The following ADARB1 variants were observed in gnomAD, a reference collection of about 807,000 sequenced individuals.
ADARB1 encodes the protein double-stranded RNA-specific editase 1.
ADARB1 carries 10 observed loss-of-function variants against 52.4 expected under a neutral mutation model. The ratio of observed to expected loss-of-function variants is 0.19; its 90% CI spans 0.12 to 0.32. The LOEUF (loss-of-function observed/expected upper bound fraction) is 0.32, where lower values mean the gene tolerates loss of function less well. Ranked by LOEUF, ADARB1 falls within the 10% of genes least tolerant of loss-of-function variation. ADARB1 has a pLI of 1.00. For synonymous variants in ADARB1, 349 were observed against 371.1 expected (o/e 0.94, Z 0.68); for missense variants, 643 against 922.3 (o/e 0.70, Z 3.92).
chr21:45,197,834 G>C (rs2092460877), intron 8 of ADARB1, among the ~76,000 whole-genome samples: 1 of 152,204 alleles, frequency 6.6e-6, no homozygotes, highest in Admixed American at 6.5e-5. Flanking sequence ...TTACCATACA[G>C]TCCCATTTGT....
chr21:45,217,350 T>TTGACTTTTGAGCTG (rs1474014020), intron 9 of ADARB1, among the ~76,000 whole-genome samples: 1 of 152,124 alleles, frequency 6.6e-6, no homozygotes, highest in East Asian at 1.9e-4. Flanking sequence ...TGACTCCTTC[T>TTGACTTTTGAGCTG]TGACTTTTGA....
chr21:45,080,219 G>A (rs953491086), intron 1 of ADARB1, among the ~76,000 whole-genome samples: 1 of 152,168 alleles, frequency 6.6e-6, no homozygotes, highest in Non-Finnish European at 1.5e-5. Context: ...AAGAGTCATG[G>A]GATGGTGGCT....
In ADARB1 at chr21:45,200,594, G is replaced by T. The variant is rs976966508; in HGVS notation, c.1566-3961G>T. ...GGGGATGGCTTTATTGTAGGGAAAG[G>T]GGGAGGCTTTGGGTATGTTCTGATG... is the stretch of plus-strand genomic sequence containing the variant. On this transcript the variant is annotated intron_variant, in intron 8 of 10. Transcript: ENST00000348831. This position sits in a 1 kb window ranked among gnomAD's most constrained non-coding sequence, Gnocchi z 5.0. Among the ~76,000 whole-genome samples the T allele has an allele frequency of 2.0e-4, 31 of 151,864 alleles. No individual in the cohort carries two copies. Among genetic ancestry groups the T allele is most frequent in the Non-Finnish European group, 3.7e-4 (25 of 67,928 alleles).
intron 1 of ADARB1, among the ~76,000 whole-genome samples, chr21:45,114,062 T>C (rs1390775021): frequency 3.3e-5 from 5 of 152,236 alleles, no homozygotes; most frequent in East Asian, 1.9e-4. Context: ...TTATGCTTAG[T>C]AGACATACTC....
At position 45,165,503 on chromosome 21, in the gene ADARB1, G is replaced by A. The variant is rs562908588; in HGVS notation, c.-47-6107G>A. 2.6e-5 allele frequency among the ~76,000 whole-genome samples: 4 copies of A among 152,190 alleles called. No individual in the cohort carries two copies. The East Asian group carries it at 5.8e-4, about 22-fold the overall frequency. On this transcript the variant is annotated intron_variant, in intron 2 of 10. Coordinates refer to ENST00000348831, the MANE Select transcript of ADARB1 (RefSeq NM_001112.4). ...GATTCACTTAGCAGCTTGCAGGGAC[G>A]GTTTCCTAGAAGGTAAAATATTTCA...
intron 8 of ADARB1, among the ~76,000 whole-genome samples, chr21:45,192,306 A>G (rs528628432): frequency 5.3e-5 from 8 of 152,248 alleles, no homozygotes; most frequent in East Asian, 1.9e-4. Flanking sequence ...GACATTTGAA[A>G]ATTATGATGT....
At chr21:45,146,079 CGGCCAGA>C in intron 2 of ADARB1, 1 of 135,084 alleles carries the variant, frequency 7.4e-6, no homozygotes, top group South Asian at 2.7e-4. Context: ...GGATTACCTA[CGGCCAGA>C]TGGCTGTTGT....
chr21:45,171,061 T>C (rs1271250537), intron 2 of ADARB1, among the ~76,000 whole-genome samples: 2 of 152,228 alleles, frequency 1.3e-5, no homozygotes, highest in African/African-American at 2.4e-5. Flanking sequence ...TGTGTGGCTT[T>C]AGTTTACAGC....
chr21:45,113,497 A>ATGTGTGTGTG (rs35666010), intron 1 of ADARB1, among the ~76,000 whole-genome samples: 1 of 146,294 alleles, frequency 6.8e-6, no homozygotes, highest in South Asian at 2.2e-4. Context: ...GTGTGTATAT[A>ATGTGTGTGTG]TGTGTGTGTG....
At chr21:45,179,146 G>A (rs1280901225) in intron 4 of ADARB1, among the ~76,000 whole-genome samples, 1 of 152,152 alleles carries the variant, frequency 6.6e-6, no homozygotes, top group African/African-American at 2.4e-5. Context: ...CACGTCCTGT[G>A]TTTCTGTCAC....
At chr21:45,196,758 A>G (rs1351364128) in intron 8 of ADARB1, among the ~76,000 whole-genome samples, 1 of 152,248 alleles carries the variant, frequency 6.6e-6, no homozygotes, top group Non-Finnish European at 1.5e-5. Flanking sequence ...CACTGATGAA[A>G]TGCAAAGGAG....
Position 45,182,596 on chromosome 21 carries a change from A to G in ADARB1, c.1090A>G (p.Lys364Glu). 6.3e-7 allele frequency: 1 copy of G among 1,590,636 alleles called. No individual in the cohort carries two copies. The highest frequency in any genetic ancestry group is 8.5e-7 in the Non-Finnish European group (1 of 1,173,674). The change falls in exon 6 of 11, where the codon AAA (lysine) becomes GAA (glutamate). Residue 364 changes from lysine to glutamate, a missense_variant. Around this residue, in one of 2 missense-constraint regions of ADARB1, gnomAD observed 263 missense variants for 475.8 expected, o/e 0.55. Coordinates refer to ENST00000348831, the MANE Select transcript of ADARB1 (RefSeq NM_001112.4). ...GVVMTTGTDV[K>E]DAKVISVSTG... ...TTTTTTTTTTTCAGGCACAGATGTT[A>G]AAGATGCCAAGGTGATAAGTGTTTC...
At chr21:45,133,628 T>C (rs1216589933) in intron 2 of ADARB1, 4 of 253,136 alleles carry the variant, frequency 1.6e-5, no homozygotes, top group Admixed American at 5.4e-5. Flanking sequence ...AACACTGCAC[T>C]GACTGAGAAA....
chr21:45,202,026 A>T (rs1431858125), intron 8 of ADARB1, among the ~76,000 whole-genome samples: 1 of 151,972 alleles, frequency 6.6e-6, no homozygotes, highest in African/African-American at 2.4e-5. Flanking sequence ...GTGAGAGGTG[A>T]CAGGGCTGGG....
chr21:45,225,571 G>C lies in ADARB1; in HGVS notation c.*3374G>C. 7.5e-7 allele frequency: 1 copy of C among 1,337,176 alleles called. No homozygotes were observed. The allele number at this position is 1,337,176 out of a possible 1,614,324, so 82.8% of individuals were successfully genotyped here. ...GGTACACTGAGGAGGGGACGGCTCC[G>C]TCTTCACATTGTGCACAGATCTGAG... is the stretch of plus-strand genomic sequence containing the variant. On this transcript the variant is annotated 3_prime_UTR_variant, in exon 11 of 11. Transcript: ENST00000348831.
intron 2 of ADARB1, among the ~76,000 whole-genome samples, chr21:45,163,497 G>A (rs1238772883): frequency 1.3e-5 from 2 of 152,138 alleles, no homozygotes; most frequent in Non-Finnish European, 1.5e-5. Flanking sequence ...GAGCGGGGAG[G>A]GGCAACCAGC....
At chr21:45,139,943 T>C (rs984922539) in intron 2 of ADARB1, among the ~76,000 whole-genome samples, 6 of 95,096 alleles carry the variant, frequency 6.3e-5, no homozygotes, top group East Asian at 4.1e-4. Flanking sequence ...CTTTTTTTTT[T>C]TTTTTTTTTT....
rs2146481418 is a variant in ADARB1, at chr21:45,223,797, A to G, written c.*1600A>G. On this transcript the variant is annotated 3_prime_UTR_variant, in exon 11 of 11. Transcript: ENST00000348831. Reference sequence around the variant, plus strand: ...GGCGGGGGGTGTGCCTCCTGATGTCAGGAGCCCCATCCACGTGTGTCCACA... The same window carrying G: ...GGCGGGGGGTGTGCCTCCTGATGTCGGGAGCCCCATCCACGTGTGTCCACA... The G allele has an allele frequency of 1.0e-6, 1 of 985,308 alleles. No homozygotes were observed. The highest frequency in any genetic ancestry group is 1.2e-6 in the Non-Finnish European group (1 of 829,918). 61.0% of individuals were successfully genotyped at this position (985,308 alleles called of 1,614,324 possible).
At chr21:45,119,025 C>G (rs959334755) in intron 1 of ADARB1, among the ~76,000 whole-genome samples, 18 of 152,148 alleles carry the variant, frequency 1.2e-4, no homozygotes, top group Non-Finnish European at 2.5e-4. Context: ...GACATTTTAA[C>G]AGAGCTCTGG....
Sources: allele counts gnomAD v4.1 joint callset (sites outside exome capture counted in the v4.1 genomes callset), GRCh38; gene constraint gnomAD v4.1.1; regional missense constraint gnomAD v4.1.1; non-coding constraint Gnocchi (gnomAD v3.1); transcripts MANE v1.5; gene names NCBI Gene and HGNC (gene_info 2026-07-23, HGNC 2026-07-21).